EZH2: variants seen among roughly 807,000 people sequenced by gnomAD.
EZH2 encodes the protein histone-lysine N-methyltransferase EZH2.
EZH2 carries 18 observed loss-of-function variants against 98.4 expected under a neutral mutation model. The ratio of observed to expected loss-of-function variants is 0.18; its 90% CI spans 0.13 to 0.27. The LOEUF (loss-of-function observed/expected upper bound fraction) is 0.27. EZH2 is among the 10% of genes least tolerant of loss of function. The probability of loss-of-function intolerance (pLI) is 1.00; values close to 1 mark genes in which losing one functional copy is unlikely to be tolerated. For synonymous variants in EZH2, 338 were observed against 312.3 expected, an observed-to-expected ratio of 1.08 and a Z score of -0.87; for missense variants, 470 against 935.1, an observed-to-expected ratio of 0.50 and a Z score of 6.49.
intron 1 of EZH2, among the ~76,000 whole-genome samples, chr7:148,880,605 C>G (rs1820815689): frequency 6.6e-6 from 1 of 152,152 alleles, no homozygotes; most frequent in African/African-American, 2.4e-5. Flanking sequence ...CTAGGAAAAA[C>G]TTGGAACTTG....
At chr7:148,840,821 C>A (rs1812242001) in intron 3 of EZH2, among the ~76,000 whole-genome samples, 1 of 152,268 alleles carries the variant, frequency 6.6e-6, no homozygotes, top group Admixed American at 6.5e-5. Context: ...CGGTCTAATG[C>A]AATTTTCTTG....
In EZH2 at chr7:148,809,819, T is replaced by C. The variant is rs181033076; in HGVS notation, c.2030-429A>G. 3.6e-3 allele frequency among the ~76,000 whole-genome samples: 542 copies of C among 152,324 alleles called. 10 individuals carry two copies. The highest frequency in any genetic ancestry group is 1.2e-3 in the Non-Finnish European group (84 of 68,038). On this transcript the variant is annotated intron_variant, in intron 17 of 19. Coordinates refer to ENST00000320356, the MANE Select transcript of EZH2 (RefSeq NM_004456.5). ...TAAGAGTTTCTCTGAATATCTTACA[T>C]GTTAAGCCTACCTCCATTTTCACAT... is the stretch of plus-strand genomic sequence containing the variant.
At chr7:148,824,327 A>AC (rs1265484988) in intron 8 of EZH2, among the ~76,000 whole-genome samples, 6 of 151,734 alleles carry the variant, frequency 4.0e-5, no homozygotes, top group South Asian at 4.2e-4. Context: ...AAAAAAAAAA[A>AC]AACAACAACA....
At chr7:148,845,574 A>C (rs1232966599) in intron 3 of EZH2, among the ~76,000 whole-genome samples, 1 of 152,220 alleles carries the variant, frequency 6.6e-6, no homozygotes, top group East Asian at 1.9e-4. Context: ...TATGTCACAC[A>C]ATCTCCAGAA....
intron 1 of EZH2, among the ~76,000 whole-genome samples, chr7:148,864,917 A>C (rs371194901): frequency 6.6e-6 from 1 of 152,118 alleles, no homozygotes. Context: ...ACCTGAGGTC[A>C]GGAGTTGGAG....
chr7:148,864,854 A>T (rs533143859), intron 1 of EZH2, among the ~76,000 whole-genome samples: 15 of 151,826 alleles, frequency 9.9e-5, no homozygotes, highest in Non-Finnish European at 2.2e-4. Flanking sequence ...GGCTGGGGCC[A>T]AGTGGCTCAC....
chr7:148,817,712 G>A, intron 10 of EZH2, 165 bp downstream of exon 10: 8 of 964,748 alleles, frequency 8.3e-6, no homozygotes, highest in African/African-American at 3.3e-5. Flanking sequence ...GGGTACGGGT[G>A]CAGGCAGGAA....
At chr7:148,810,930 G>A (rs915877374) in intron 16 of EZH2, among the ~76,000 whole-genome samples, 2 of 150,546 alleles carry the variant, frequency 1.3e-5, no homozygotes, top group Non-Finnish European at 2.9e-5. Context: ...AAATTTGGGT[G>A]AGCTGGTTCC....
At chr7:148,813,720 G>T (rs1366568662) in intron 15 of EZH2, among the ~76,000 whole-genome samples, 2 of 151,618 alleles carry the variant, frequency 1.3e-5, no homozygotes, top group Admixed American at 1.3e-4. Context: ...ACCATGAATG[G>T]CTACTTCTCA....
chr7:148,823,289 T>G (rs144846095), intron 8 of EZH2, among the ~76,000 whole-genome samples: 1 of 152,172 alleles, frequency 6.6e-6, no homozygotes, highest in Non-Finnish European at 1.5e-5. Context: ...GGTACAGATA[T>G]TTGCTGTGGC....
intron 5 of EZH2, 70 bp from the exon 6 acceptor site, chr7:148,828,950 T>G: frequency 6.7e-7 from 1 of 1,487,992 alleles, no homozygotes; most frequent in South Asian, 1.2e-5. Flanking sequence ...ATCCTTTTTC[T>G]ACTTGGACAA....
chr7:148,808,267 A>T (rs953759967), intron 19 of EZH2, among the ~76,000 whole-genome samples: 24 of 152,338 alleles, frequency 1.6e-4, no homozygotes, highest in African/African-American at 5.5e-4. Context: ...GCCTGGAGTG[A>T]AGGCAGCGGC....
chr7:148,855,133 A>C (rs1329497789), intron 1 of EZH2, among the ~76,000 whole-genome samples: 6 of 152,190 alleles, frequency 3.9e-5, no homozygotes, highest in African/African-American at 1.4e-4. Flanking sequence ...TGGCAAGGAG[A>C]GTTCATCTCA....
intron 1 of EZH2, among the ~76,000 whole-genome samples, chr7:148,881,790 C>T (rs1384691690): frequency 6.6e-6 from 1 of 151,672 alleles, no homozygotes; most frequent in Non-Finnish European, 1.5e-5. Context: ...AAAAATTAGC[C>T]GGGTGTCGTG....
At chr7:148,814,515 T>C (rs1176938637) in intron 14 of EZH2, among the ~76,000 whole-genome samples, 1 of 152,220 alleles carries the variant, frequency 6.6e-6, no homozygotes, top group East Asian at 1.9e-4. Context: ...AAATCTACTA[T>C]GTTTATGCTA....
At chr7:148,830,347 G>T (rs749759005) in intron 4 of EZH2, among the ~76,000 whole-genome samples, 2 of 152,046 alleles carry the variant, frequency 1.3e-5, no homozygotes, top group Non-Finnish European at 2.9e-5. Context: ...GTTTTAACGC[G>T]CACTTTAGAT....
intron 3 of EZH2, among the ~76,000 whole-genome samples, chr7:148,839,528 G>T (rs943519992): frequency 3.8e-5 from 3 of 79,594 alleles, no homozygotes; most frequent in African/African-American, 1.2e-4. Flanking sequence ...ACATCAAAAT[G>T]GGGGGGGGGC....
chr7:148,861,822 T>A (rs1324482944), intron 1 of EZH2, among the ~76,000 whole-genome samples: 4 of 112,660 alleles, frequency 3.6e-5, no homozygotes, highest in South Asian at 2.8e-4. Context: ...AAAAAAAAAA[T>A]TAATTAGTAA....
chr7:148,839,711 A>AT (rs1391666809), intron 3 of EZH2, among the ~76,000 whole-genome samples: 6 of 151,852 alleles, frequency 4.0e-5, no homozygotes, highest in East Asian at 1.9e-4. Context: ...TGCCCAGCTA[A>AT]TTTTTTTGTA....
Sources: allele counts gnomAD v4.1 joint callset (sites outside exome capture counted in the v4.1 genomes callset), GRCh38; gene constraint gnomAD v4.1.1; transcripts MANE v1.5; gene names NCBI Gene and HGNC (gene_info 2026-07-23, HGNC 2026-07-21).